The following RNF213 variants were observed in gnomAD, a reference collection of about 807,000 sequenced individuals.
RNF213 encodes the protein ring finger protein 213.
In RNF213, 341 loss-of-function variants were observed where a neutral mutation model predicts 514.4. The ratio of observed to expected loss-of-function variants is 0.66; its 90% CI spans 0.61 to 0.73. The LOEUF (loss-of-function observed/expected upper bound fraction) is 0.73. RNF213 is among the 30% of genes least tolerant of loss of function. The probability of loss-of-function intolerance (pLI) is 0.00; values close to 1 mark genes in which losing one functional copy is unlikely to be tolerated. For missense variants in RNF213, 5,767 were observed against 6,615.6 expected, an observed-to-expected ratio of 0.87 and a Z score of 4.45; for synonymous variants, 2,655 against 2,658.2, an observed-to-expected ratio of 1.00 and a Z score of 0.04.
chr17:80,307,275 C>T, intron 13 of RNF213, 74 bp downstream of exon 13: 1 of 1,290,338 alleles, frequency 7.7e-7, no homozygotes, highest in Non-Finnish European at 1.1e-6. Context: ...CTATAATTGG[C>T]CGTGACCCAC....
intron 63 of RNF213, 113 bp downstream of exon 63, chr17:80,387,004 T>C: frequency 5.7e-6 from 6 of 1,048,954 alleles, no homozygotes; most frequent in Non-Finnish European, 2.8e-6. Flanking sequence ...GTCTGGTCTG[T>C]ATCTCCTCCC....
chr17:80,268,336 C>T (rs1286341169), intron 2 of RNF213, among the ~76,000 whole-genome samples: 3 of 120,974 alleles, frequency 2.5e-5, no homozygotes, highest in Admixed American at 2.2e-4. Context: ...CCTGGGTCGA[C>T]AGTGAGACCC....
chr17:80,308,226 G>A (rs61327219), intron 13 of RNF213, among the ~76,000 whole-genome samples: 44,013 of 151,382 alleles, frequency 0.29, 9,204 homozygotes, highest in African/African-American at 0.6. Flanking sequence ...CTTTGTTCAC[G>A]TCTCTGCCGA....
At chr17:80,363,572 G>A in intron 40 of RNF213, 37 bp from the exon 41 acceptor site, 1 of 1,609,584 alleles carries the variant, frequency 6.2e-7, no homozygotes, top group Non-Finnish European at 8.5e-7. Flanking sequence ...GGTGGGAGGG[G>A]CACCGCTCAG....
Position 80,339,436 on chromosome 17 carries a change from T to A in RNF213, c.5069T>A (p.Phe1690Tyr). ...CACTTCCTTGACAGCTGGAAGAGAT[T>A]TGTGACCCAGAAGCGAATGGAGCAC... ...MEHFLDSWKR[F>Y]VTQKRMEHFY... Residue 1690 changes from phenylalanine to tyrosine, a missense_variant, in exon 26 of 68, where the codon TTT becomes TAT. Around this residue, in one of 13 missense-constraint regions of RNF213, gnomAD observed 1,377 missense variants for 1,635.2 expected, o/e 0.84. Coordinates refer to ENST00000582970, the MANE Select transcript of RNF213 (RefSeq NM_001256071.3). The A allele has an allele frequency of 6.5e-7, 1 of 1,537,230 alleles. No homozygotes were observed. The highest frequency in any genetic ancestry group is 2.0e-5 in the Admixed American group (1 of 51,000).
rs1052635064 is a variant in RNF213 at position 80,312,486 on chromosome 17, T to C, written c.2656-526T>C. On this transcript the variant is annotated intron_variant, in intron 14 of 67. Transcript: ENST00000582970. ...GCATGGAGGCAGGGGGAGGGCATGA[T>C]GGGAGCACAGTGGGAAGGGGACCCA... Among the ~76,000 whole-genome samples, 3 of 136,768 alleles carry C rather than the reference T, an allele frequency of 2.2e-5. No homozygotes were observed. The East Asian group carries it at 6.7e-4, about 30-fold the overall frequency. The allele number at this position is 136,768 out of a possible 152,430, so 89.7% of individuals were successfully genotyped here.
At chr17:80,290,157 C>G (rs552429331) in intron 6 of RNF213, among the ~76,000 whole-genome samples, 2 of 152,324 alleles carry the variant, frequency 1.3e-5, no homozygotes, top group South Asian at 4.1e-4. Flanking sequence ...CAGGGAGTGG[C>G]CACCTCTTCT....
chr17:80,337,515 G>T, intron 23 of RNF213, 71 bp from the exon 24 acceptor site: 2 of 1,510,602 alleles, frequency 1.3e-6, no homozygotes, highest in South Asian at 2.5e-5. Context: ...GCGGGAGGCC[G>T]ACCACAGGAG....
At chr17:80,352,090 T>C (rs1161061407) in intron 32 of RNF213, 2 of 301,448 alleles carry the variant, frequency 6.6e-6, no homozygotes, top group Non-Finnish European at 1.3e-5. Flanking sequence ...GTTGACCTCA[T>C]GATCCGCTCG....
rs574467507 is a variant in RNF213, at chr17:80,317,353, A to G, written c.2901+76A>G. 4.7e-4 allele frequency: 628 copies of G among 1,332,574 alleles called. 3 individuals are homozygous for G. The African/African-American group carries it at 7.1e-3, about 15-fold the overall frequency. 82.5% of individuals were successfully genotyped at this position (1,332,574 alleles called of 1,614,324 possible). ...AACCCCAGACCATTAGCGACAGCCA[A>G]GAGATCTCAGCAGTGCCTCTCTGTG... On this transcript the variant is annotated intron_variant, in intron 16 of 67. Coordinates refer to ENST00000582970, the MANE Select transcript of RNF213 (RefSeq NM_001256071.3). This position sits in a 1 kb window ranked among gnomAD's most constrained non-coding sequence, Gnocchi z 4.1.
chr17:80,337,770 G>A, intron 24 of RNF213, 44 bp downstream of exon 24: 1 of 1,537,056 alleles, frequency 6.5e-7, no homozygotes, highest in Non-Finnish European at 8.7e-7. Flanking sequence ...CCCTTCTGCA[G>A]GCTGCTGCCA....
chr17:80,339,271 G>A lies in RNF213; in HGVS notation c.4904G>A (p.Arg1635Lys). 6.5e-7 allele frequency: 1 copy of A among 1,533,598 alleles called. No individual in the cohort carries two copies. The allele number at this position is 1,533,598 out of a possible 1,614,324, so 95.0% of individuals were successfully genotyped here. A position where few individuals can be genotyped will look rare whatever the true frequency, so the allele number is the denominator to read the frequency against. Residue 1635 changes from arginine (R) to lysine (K), a missense_variant, in exon 26 of 68, where the codon AGG (arginine) becomes AAG (lysine). By Grantham distance (26) the Arg-to-Lys change is conservative (BLOSUM62 2). Coordinates refer to ENST00000582970, the MANE Select transcript of RNF213 (RefSeq NM_001256071.3). ...CACTCTGCTGGGAATATGCTGTTCA[G>A]GACGTGGATCGCCATGGCCTACTGC... is the stretch of plus-strand genomic sequence containing the variant. ...DLHSAGNMLF[R>K]TWIAMAYCSP...
Position 80,369,832 on chromosome 17 carries a change from C to T in RNF213, c.12390C>T (p.Ile4130=). 1 of 1,613,528 alleles carries T rather than the reference C, an allele frequency of 6.2e-7. No homozygotes were observed. Among genetic ancestry groups the T allele is most frequent in the Non-Finnish European group, 8.5e-7 (1 of 1,179,482 alleles). ...FNDVVDKTPV[I]RSVILKLLLK... is the part of the protein sequence containing the mutation. Reference sequence around the variant, plus strand: ...ATGTTGTGGATAAGACTCCTGTCATCCGCTCAGTGATACTGAAACTGCTTT... The same window carrying T: ...ATGTTGTGGATAAGACTCCTGTCATTCGCTCAGTGATACTGAAACTGCTTT... Residue 4130 remains isoleucine (I), a synonymous_variant, in exon 46 of 68, where the codon ATC becomes ATT. Transcript: ENST00000582970.
intron 60 of RNF213, 145 bp from the exon 61 acceptor site, chr17:80,385,393 T>C (rs2080193453): frequency 1.1e-6 from 1 of 885,988 alleles, no homozygotes; most frequent in African/African-American, 1.7e-5. Flanking sequence ...CAAACTCGGC[T>C]CACTCCTTCA....
intron 20 of RNF213, among the ~76,000 whole-genome samples, 195 bp downstream of exon 20, chr17:80,328,672 A>C (rs2046339399): frequency 6.6e-6 from 1 of 151,674 alleles, no homozygotes; most frequent in African/African-American, 2.4e-5. Flanking sequence ...CCACATTTCC[A>C]AATAACATGC....
intron 38 of RNF213, 94 bp from the exon 39 acceptor site, chr17:80,361,640 G>T: frequency 1.4e-6 from 2 of 1,414,368 alleles, no homozygotes; most frequent in Non-Finnish European, 2.0e-6. Context: ...TCAACAAGGC[G>T]TCCCCATTCC....
intron 49 of RNF213, 150 bp from the exon 50 acceptor site, chr17:80,374,308 G>A: frequency 1.0e-6 from 1 of 986,418 alleles, no homozygotes; most frequent in Non-Finnish European, 1.6e-6. Context: ...GAGGGCACCA[G>A]ACTGTCCTGC....
intron 20 of RNF213, among the ~76,000 whole-genome samples, chr17:80,330,792 T>C (rs1052430039): frequency 1.3e-5 from 2 of 152,178 alleles, no homozygotes; most frequent in South Asian, 2.1e-4. Context: ...TGTCAGGGCA[T>C]TGGGGTGACA....
chr17:80,301,747 A>G (rs2045186597), intron 11 of RNF213, among the ~76,000 whole-genome samples: 1 of 152,204 alleles, frequency 6.6e-6, no homozygotes, highest in African/African-American at 2.4e-5. Flanking sequence ...AGAAACTAAA[A>G]ATAGAACTAC....
Sources: allele counts gnomAD v4.1 joint callset (sites outside exome capture counted in the v4.1 genomes callset), GRCh38; gene constraint gnomAD v4.1.1; regional missense constraint gnomAD v4.1.1; non-coding constraint Gnocchi (gnomAD v3.1); transcripts MANE v1.5; gene names NCBI Gene and HGNC (gene_info 2026-07-23, HGNC 2026-07-21).